Variants in KLHDC1 observed in about 807,000 individuals in gnomAD.
The protein encoded by KLHDC1 is kelch domain containing 1, also known as kelch domain-containing protein 1.
A neutral mutation model predicts 68.3 loss-of-function variants in KLHDC1; 53 were observed. The ratio of observed to expected loss-of-function variants is 0.78; its 90% CI spans 0.62 to 0.98. The LOEUF is 0.98. Among genes scored for constraint, KLHDC1 ranks in the 50% least tolerant of loss-of-function variants. The probability of loss-of-function intolerance (pLI) is 0.00; values close to 1 mark genes in which losing one functional copy is unlikely to be tolerated. For missense variants in KLHDC1, 470 were observed against 492.3 expected (o/e 0.95, Z 0.43); for synonymous variants, 148 against 159.0 (o/e 0.93, Z 0.52).
rs1308826808 is a variant in KLHDC1 at position 49,710,303 on chromosome 14, T to G, written c.326T>G (p.Ile109Ser). The change falls in exon 4 of 13, where the codon ATT becomes AGT. Residue 109 changes from isoleucine to serine, a missense_variant. Ile to Ser is a moderately radical substitution (Grantham distance 142). Coordinates refer to ENST00000359332, the MANE Select transcript of KLHDC1 (RefSeq NM_172193.3). ...VNLRTRDETY[I>S]WEKITDFEGQ... ...TTACGAACAAGAGATGAAACCTACATTTGGGAGAAAATCACCGACTTTGAA... is the reference window on the plus strand; with the variant it reads ...TTACGAACAAGAGATGAAACCTACAGTTGGGAGAAAATCACCGACTTTGAA... 8 of 1,611,414 alleles carry G rather than the reference T, an allele frequency of 5.0e-6. No individual in the cohort carries two copies. The highest frequency in any genetic ancestry group is 6.8e-6 in the Non-Finnish European group (8 of 1,177,726).
At chr14:49,701,091 A>AT (rs1887892288) in intron 1 of KLHDC1, among the ~76,000 whole-genome samples, 2 of 152,076 alleles carry the variant, frequency 1.3e-5, no homozygotes, top group Admixed American at 1.3e-4. Flanking sequence ...CAAAAAAAAA[A>AT]AGAAAAAAGA....
In KLHDC1 at chr14:49,751,834, C is replaced by T. The variant is rs1889327952; in HGVS notation, c.*62C>T. 5.2e-6 allele frequency: 4 copies of T among 768,878 alleles called. No homozygotes were observed. Among genetic ancestry groups the T allele is most frequent in the African/African-American group, 1.8e-5 (1 of 54,910 alleles). The allele number at this position is 768,878 out of a possible 1,614,324, so 47.6% of individuals were successfully genotyped here. ...TTTTTAATCAGACTATACATTTACA[C>T]TCCCAAATTGCAGGCTTTATTTAAA... On this transcript the variant is annotated 3_prime_UTR_variant, in exon 13 of 13. Transcript: ENST00000359332.
intron 8 of KLHDC1, among the ~76,000 whole-genome samples, chr14:49,730,561 A>G (rs1461204471): frequency 6.6e-6 from 1 of 152,170 alleles, no homozygotes; most frequent in Non-Finnish European, 1.5e-5. Flanking sequence ...CAGGGCAAAG[A>G]TCCACAAGAA....
At chr14:49,722,184 T>G (rs924834321) in intron 4 of KLHDC1, among the ~76,000 whole-genome samples, 13 of 152,210 alleles carry the variant, frequency 8.5e-5, no homozygotes, top group African/African-American at 3.1e-4. Flanking sequence ...ACGTGCAGGT[T>G]TGTTACATAT....
At chr14:49,716,409 G>T (rs1888378777) in intron 4 of KLHDC1, among the ~76,000 whole-genome samples, 1 of 151,266 alleles carries the variant, frequency 6.6e-6, no homozygotes, top group Non-Finnish European at 1.5e-5. Context: ...TTGAGACAGA[G>T]TCTCACTCTT....
At chr14:49,750,547 A>G (rs1889299286) in intron 12 of KLHDC1, among the ~76,000 whole-genome samples, 1 of 152,206 alleles carries the variant, frequency 6.6e-6, no homozygotes, top group Non-Finnish European at 1.5e-5. Flanking sequence ...TTCAAAGAGT[A>G]GAGAAGAACA....
chr14:49,749,640 T>C (rs1889279203), intron 12 of KLHDC1, among the ~76,000 whole-genome samples: 1 of 132,600 alleles, frequency 7.5e-6, no homozygotes, highest in South Asian at 2.3e-4. Flanking sequence ...ATCACATTAC[T>C]ACACTCCAGC....
chr14:49,719,072 G>T (rs889408506), intron 4 of KLHDC1, among the ~76,000 whole-genome samples: 1 of 151,564 alleles, frequency 6.6e-6, no homozygotes, highest in East Asian at 1.9e-4. Flanking sequence ...GAGCCACCCC[G>T]CCCAGCCTGT....
rs772772276 is a variant in KLHDC1 at position 49,693,179 on chromosome 14, G to A, written c.-16G>A. 4.4e-5 allele frequency: 69 copies of A among 1,575,224 alleles called. No individual in the cohort carries two copies. The highest frequency in any genetic ancestry group is 5.7e-5 in the Non-Finnish European group (66 of 1,162,838). Reference sequence around the variant, plus strand: ...GGGGTTGTGGCGCGGCAAGCGGCGGGCCAGCGACGGCGCGAATGGCGGACT... The same window carrying A: ...GGGGTTGTGGCGCGGCAAGCGGCGGACCAGCGACGGCGCGAATGGCGGACT... On this transcript the variant is annotated 5_prime_UTR_variant, in exon 1 of 13. Transcript: ENST00000359332.
At chr14:49,700,087 C>T (rs749714050) in intron 1 of KLHDC1, 16 of 306,996 alleles carry the variant, frequency 5.2e-5, no homozygotes, top group South Asian at 3.5e-4. Context: ...AGTGCAGTGG[C>T]GCGATCTCGG....
At chr14:49,744,264 C>T (rs887662977) in intron 12 of KLHDC1, among the ~76,000 whole-genome samples, 1 of 151,714 alleles carries the variant, frequency 6.6e-6, no homozygotes, top group South Asian at 2.1e-4. Context: ...TGTACTCCAG[C>T]CTGGAAATAG....
intron 1 of KLHDC1, among the ~76,000 whole-genome samples, chr14:49,693,548 A>G (rs1033541462): frequency 6.6e-6 from 1 of 151,722 alleles, no homozygotes; most frequent in Non-Finnish European, 1.5e-5. Context: ...TTTGCCAGCA[A>G]TTCAGTAACC....
At chr14:49,739,932 A>G (rs760578599) in intron 10 of KLHDC1, among the ~76,000 whole-genome samples, 166 bp from the exon 11 acceptor site, 1 of 152,240 alleles carries the variant, frequency 6.6e-6, no homozygotes, top group Non-Finnish European at 1.5e-5. Context: ...AATGAACTCT[A>G]GAGGAATCTT....
intron 10 of KLHDC1, among the ~76,000 whole-genome samples, chr14:49,736,228 T>G (rs1018584635): frequency 2.6e-5 from 4 of 152,226 alleles, no homozygotes; most frequent in African/African-American, 9.7e-5. Context: ...TAATATACTG[T>G]TAGTTAGAAC....
At chr14:49,701,100 GA>G (rs1228578615) in intron 1 of KLHDC1, among the ~76,000 whole-genome samples, 1 of 150,246 alleles carries the variant, frequency 6.7e-6, no homozygotes, top group Non-Finnish European at 1.5e-5. Flanking sequence ...AAAGAAAAAA[GA>G]AAAAAACTAC....
At chr14:49,707,817 AT>A in intron 1 of KLHDC1, 1 of 42,710 alleles carries the variant, frequency 2.3e-5, no homozygotes, top group Non-Finnish European at 6.2e-5. Flanking sequence ...GGCCTAACTA[AT>A]TTTTTGGTGT....
In KLHDC1 at chr14:49,719,715, GC is replaced by G. The variant is rs201731049; in HGVS notation, c.405-4157del. Reference sequence around the variant, plus strand: ...CAAAGTGCTGGGATTACAGGCGTGAGCCAGCGTGCCCAGCCTACAGGTTTTG... The same window carrying G: ...CAAAGTGCTGGGATTACAGGCGTGAGCAGCGTGCCCAGCCTACAGGTTTTG... On this transcript the variant is annotated intron_variant, in intron 4 of 12. Transcript: ENST00000359332. Among the ~76,000 whole-genome samples the G allele has an allele frequency of 8.3e-3, 1,265 of 152,214 alleles. 8 individuals carry two copies. The highest frequency in any genetic ancestry group is 0.013 in the Admixed American group (197 of 15,284).
intron 2 of KLHDC1, 106 bp downstream of exon 2, chr14:49,709,335 T>C (rs2139737925): frequency 1.8e-6 from 1 of 553,774 alleles, no homozygotes; most frequent in East Asian, 3.1e-5. Context: ...TGCAACATTT[T>C]TGAAGTCTCC....
At chr14:49,750,237 G>A (rs544711842) in intron 12 of KLHDC1, among the ~76,000 whole-genome samples, 12 of 152,080 alleles carry the variant, frequency 7.9e-5, no homozygotes, top group Non-Finnish European at 1.3e-4. Context: ...TGCCCCACTC[G>A]CGCTCTGCCC....
Sources: gnomAD v4.1 joint callset for allele counts (sites outside exome capture counted in the v4.1 genomes callset) on GRCh38, gnomAD v4.1.1 for gene constraint, MANE v1.5 for transcripts, NCBI Gene and HGNC (gene_info 2026-07-23, HGNC 2026-07-21) for gene names.